The following ADGRV1 variants were observed in gnomAD, a reference collection of about 807,000 sequenced individuals.
ADGRV1 encodes G-protein coupled receptor 98.
Under a neutral mutation model 596.2 loss-of-function variants are expected in ADGRV1, and 359 were observed. The observed-to-expected ratio is 0.60, with a 90% CI of 0.55 to 0.66. The LOEUF (loss-of-function observed/expected upper bound fraction) is 0.66. Among genes scored for constraint, ADGRV1 ranks in the 30% least tolerant of loss-of-function variants. The pLI, the probability that ADGRV1 is intolerant of heterozygous loss-of-function variation, is 0.00. For synonymous variants in ADGRV1, 2,681 were observed against 2,679.2 expected, an observed-to-expected ratio of 1.00 and a Z score of -0.02; for missense variants, 7,274 against 7,575.6, an observed-to-expected ratio of 0.96 and a Z score of 1.48.
intron 49 of ADGRV1, 27 bp from the exon 50 acceptor site, chr5:90,729,615 G>T (rs1195948285): frequency 6.4e-7 from 1 of 1,558,272 alleles, no homozygotes; most frequent in Non-Finnish European, 8.8e-7. Flanking sequence ...TTTGCATTAA[G>T]ATTTGACTTC....
At chr5:90,579,212 A>G in intron 1 of ADGRV1, among the ~76,000 whole-genome samples, 1 of 152,148 alleles carries the variant, frequency 6.6e-6, no homozygotes. Context: ...TGCCGATTTT[A>G]GATCTTCCCT....
intron 72 of ADGRV1, 88 bp downstream of exon 72, chr5:90,805,546 G>C: frequency 2.7e-6 from 3 of 1,093,308 alleles, no homozygotes; most frequent in Non-Finnish European, 3.8e-6. Flanking sequence ...CCTTATTCTG[G>C]ACACTAAATG....
intron 87 of ADGRV1, among the ~76,000 whole-genome samples, chr5:91,145,206 AC>A (rs1795430382): frequency 6.6e-6 from 1 of 152,246 alleles, no homozygotes; most frequent in South Asian, 2.1e-4. Flanking sequence ...AGAAAAAAAA[AC>A]ATGCAGCTTT....
chr5:91,093,007 G>C (rs1303973490), intron 86 of ADGRV1, among the ~76,000 whole-genome samples: 1 of 152,154 alleles, frequency 6.6e-6, no homozygotes, highest in Non-Finnish European at 1.5e-5. Context: ...CTCTGCCTTG[G>C]CTCATCTCTT....
Position 90,614,896 on chromosome 5 carries a change from T to C in ADGRV1, c.84T>C (p.Phe28=). ...CAGCTTTACTCATCCTATTTGTGTT[T>C]GGAGAAACAGAAATAAGATTTACTG... ...LLSALLILFV[F]GETEIRFTGQ... Residue 28 remains phenylalanine (F), a synonymous_variant, in exon 2 of 90, where the codon TTT becomes TTC. Transcript: ENST00000405460. 1 of 1,609,866 alleles carries C rather than the reference T, an allele frequency of 6.2e-7. No homozygotes were observed.
chr5:90,856,341 T>C (rs1767021732), intron 82 of ADGRV1, among the ~76,000 whole-genome samples: 1 of 152,232 alleles, frequency 6.6e-6, no homozygotes, highest in Admixed American at 6.5e-5. Flanking sequence ...GTAGATTTTG[T>C]ATTCTACAAC....
In ADGRV1 at chr5:90,756,477, A is replaced by G. The variant is rs1755843756; in HGVS notation, c.11604A>G (p.Glu3868=). 6.5e-7 allele frequency: 1 copy of G among 1,542,436 alleles called. No individual in the cohort carries two copies. Among genetic ancestry groups the G allele is most frequent in the Non-Finnish European group, 8.7e-7 (1 of 1,143,836 alleles). ...AGGATGACCTTCCTGAATTGGAGGA[A>G]GGATTTATTGTCACTATCACTGAGG... ...ILPDDLPELE[E]GFIVTITEVN... is the part of the protein sequence containing the mutation. The change falls in exon 56 of 90, where the codon GAA becomes GAG. Residue 3868 remains glutamate, a synonymous_variant. Coordinates refer to ENST00000405460, the MANE Select transcript of ADGRV1 (RefSeq NM_032119.4).
At chr5:90,974,718 T>C (rs1384344614) in intron 84 of ADGRV1, among the ~76,000 whole-genome samples, 1 of 152,188 alleles carries the variant, frequency 6.6e-6, no homozygotes, top group Non-Finnish European at 1.5e-5. Flanking sequence ...ATTAAAGACT[T>C]AAATATTAGA....
chr5:91,048,113 G>T (rs1231584263), intron 85 of ADGRV1, among the ~76,000 whole-genome samples: 4 of 152,090 alleles, frequency 2.6e-5, no homozygotes, highest in Non-Finnish European at 5.9e-5. Flanking sequence ...GTCTCTTCTG[G>T]GTTGGAACAT....
At chr5:90,620,636 C>A (rs1261053454) in intron 4 of ADGRV1, among the ~76,000 whole-genome samples, 1 of 151,962 alleles carries the variant, frequency 6.6e-6, no homozygotes, top group Non-Finnish European at 1.5e-5. Flanking sequence ...CTTTTGTTGC[C>A]ATTGCTTTTG....
At chr5:90,859,535 C>T (rs372848716) in intron 82 of ADGRV1, among the ~76,000 whole-genome samples, 7 of 151,984 alleles carry the variant, frequency 4.6e-5, no homozygotes, top group Non-Finnish European at 8.8e-5. Context: ...TGGGCTCAAG[C>T]GAGTCTCCTG....
At position 90,617,902 on chromosome 5, in the gene ADGRV1, T is replaced by C. The variant is rs752105621; in HGVS notation, c.306T>C (p.Asp102=). 12 of 1,595,734 alleles carry C rather than the reference T, an allele frequency of 7.5e-6. No homozygotes were observed. The highest frequency in any genetic ancestry group is 1.6e-4 in the Middle Eastern group (1 of 6,062). ...TNRTVYIAVC[D]DDLPEPDETF... is the part of the protein sequence containing the mutation. ...GAACAGTGTACATAGCAGTATGTGA[T>C]GATGACTTACCAGAGCCTGACGAAA... The change falls in exon 3 of 90, where the codon GAT becomes GAC. Residue 102 remains aspartate, a synonymous_variant. Coordinates refer to ENST00000405460, the MANE Select transcript of ADGRV1 (RefSeq NM_032119.4).
chr5:91,068,293 T>TAA (rs557531177), intron 85 of ADGRV1, among the ~76,000 whole-genome samples: 2 of 142,336 alleles, frequency 1.4e-5, no homozygotes, highest in Non-Finnish European at 1.5e-5. Context: ...CATCTCTACT[T>TAA]AAAAAAAAAA....
At chr5:90,978,247 A>G (rs879725989) in intron 84 of ADGRV1, among the ~76,000 whole-genome samples, 2 of 152,120 alleles carry the variant, frequency 1.3e-5, no homozygotes, top group Admixed American at 1.3e-4. Context: ...GTGAGCCGAG[A>G]TCGCGCCACT....
At chr5:90,771,119 T>C (rs1045571848) in intron 59 of ADGRV1, among the ~76,000 whole-genome samples, 20 of 152,166 alleles carry the variant, frequency 1.3e-4, no homozygotes, top group African/African-American at 4.8e-4. Context: ...CTTTCTGGGA[T>C]TCACATTTCT....
intron 50 of ADGRV1, 83 bp from the exon 51 acceptor site, chr5:90,744,963 A>G (rs1228466171): frequency 1.1e-6 from 1 of 899,596 alleles, no homozygotes; most frequent in Non-Finnish European, 1.8e-6. Flanking sequence ...ATTTTGGAAG[A>G]TTTTGCTTTG....
rs532669005 is a variant in ADGRV1 at position 90,699,858 on chromosome 5, G to C, written c.8155+2712G>C. 9.6e-4 allele frequency among the ~76,000 whole-genome samples: 146 copies of C among 152,256 alleles called. 1 individual carries two copies. Among genetic ancestry groups the C allele is most frequent in the South Asian group, 2.1e-3 (10 of 4,814 alleles). The stretch of plus-strand genomic sequence containing the variant: ...ATCTGCAGGAGAGGCAAAGAGGAAA[G>C]ATTATTAATTAAAATAAATGGTCCA... On this transcript the variant is annotated intron_variant, in intron 34 of 89. Coordinates refer to ENST00000405460, the MANE Select transcript of ADGRV1 (RefSeq NM_032119.4).
chr5:90,817,989 G>A (rs1323350004), intron 75 of ADGRV1, among the ~76,000 whole-genome samples: 24 of 151,990 alleles, frequency 1.6e-4, no homozygotes, highest in Non-Finnish European at 3.2e-4. Context: ...CATTGAATCT[G>A]TAAATTACCT....
rs1327034109 is a variant in ADGRV1 at position 90,653,759 on chromosome 5, A to G, written c.4185A>G (p.Thr1395=). The stretch of plus-strand genomic sequence containing the variant: ...TACAAACAAACGAATCCCATGTGAC[A>G]CTTTCCCTTCATTATAAAACCTTGG... ...VKIQTNESHV[T]LSLHYKTLGS... The change falls in exon 20 of 90, where the codon ACA becomes ACG. Residue 1395 remains threonine (T), a synonymous_variant. Coordinates refer to ENST00000405460, the MANE Select transcript of ADGRV1 (RefSeq NM_032119.4). 1 of 1,613,092 alleles carries G rather than the reference A, an allele frequency of 6.2e-7. No homozygotes were observed. The highest frequency in any genetic ancestry group is 2.2e-5 in the East Asian group (1 of 44,886).
Sources: gnomAD v4.1 joint callset for allele counts (sites outside exome capture counted in the v4.1 genomes callset) on GRCh38, gnomAD v4.1.1 for gene constraint, MANE v1.5 for transcripts, NCBI Gene and HGNC (gene_info 2026-07-23, HGNC 2026-07-21) for gene names.